CYP4F3: variants seen among roughly 807,000 people sequenced by gnomAD.
CYP4F3 encodes the protein cytochrome P450 4F3.
CYP4F3 carries 50 observed loss-of-function variants against 54.8 expected under a neutral mutation model. That is an observed-to-expected ratio of 0.91 (90% CI 0.73 to 1.16). The LOEUF is 1.16. CYP4F3 is among the 50% of genes most tolerant of loss of function. The pLI, the probability that CYP4F3 is intolerant of heterozygous loss-of-function variation, is 0.00. For missense variants in CYP4F3, 715 were observed against 676.2 expected (o/e 1.06, Z -0.64); for synonymous variants, 244 against 262.6 (o/e 0.93, Z 0.69).
chr19:15,647,355 C>T, intron 5 of CYP4F3, 31 bp downstream of exon 5: 1 of 1,613,506 alleles, frequency 6.2e-7, no homozygotes, highest in Non-Finnish European at 8.5e-7. Context: ...GTCCCAGCTG[C>T]AGCCTTTGGT....
chr19:15,655,928 C>T (rs1972998993), intron 9 of CYP4F3, among the ~76,000 whole-genome samples: 1 of 152,124 alleles, frequency 6.6e-6, no homozygotes, highest in Non-Finnish European at 1.5e-5. Flanking sequence ...GTGTTGAGAA[C>T]ATTTGAAGTT....
chr19:15,658,250 G>C lies in CYP4F3; in HGVS notation c.1116-14G>C. The stretch of plus-strand genomic sequence containing the variant: ...GCTCCCTTGATAAGGATTGGGGCTG[G>C]GGTGTTTCCTTAGGGACGACCTGGC... On this transcript the variant is annotated splice_polypyrimidine_tract_variant and intron_variant, in intron 9 of 12. Coordinates refer to ENST00000221307, the MANE Select transcript of CYP4F3 (RefSeq NM_000896.3). 1 of 1,613,800 alleles carries C rather than the reference G, an allele frequency of 6.2e-7. No homozygotes were observed. The highest frequency in any genetic ancestry group is 1.1e-5 in the South Asian group (1 of 91,046).
At chr19:15,653,834 G>T (rs1972941898) in intron 9 of CYP4F3, among the ~76,000 whole-genome samples, 1 of 151,976 alleles carries the variant, frequency 6.6e-6, no homozygotes, top group Non-Finnish European at 1.5e-5. Flanking sequence ...GGGAGAGACT[G>T]ACTTGTGGTG....
chr19:15,644,716 A>G (rs1329152900), intron 2 of CYP4F3, among the ~76,000 whole-genome samples: 1 of 152,150 alleles, frequency 6.6e-6, no homozygotes, highest in African/African-American at 2.4e-5. Context: ...TTTCTGCTCT[A>G]GGCCCTGGGA....
At chr19:15,655,078 G>A (rs1972977245) in intron 9 of CYP4F3, among the ~76,000 whole-genome samples, 1 of 152,164 alleles carries the variant, frequency 6.6e-6, no homozygotes, top group East Asian at 1.9e-4. Context: ...ACTGGGATGA[G>A]ATGATATCTC....
rs148448915 is a variant in CYP4F3 at position 15,650,035 on chromosome 19, G to T, written c.770G>T (p.Arg257Leu). Residue 257 changes from arginine to leucine, a missense_variant, in exon 7 of 13, where the codon CGC (arginine) becomes CTC (leucine). By Grantham distance (102) the Arg-to-Leu change is moderately radical. Coordinates refer to ENST00000221307, the MANE Select transcript of CYP4F3 (RefSeq NM_000896.3). ...CTCACCCCTGATGGGCAGCGTTTCC[G>T]CAGGGCCTGCCGCCTGGTGCACGAC... ...YYLTPDGQRF[R>L]RACRLVHDFT... The T allele has an allele frequency of 1.2e-6, 2 of 1,614,016 alleles. No homozygotes were observed. Among genetic ancestry groups the T allele is most frequent in the African/African-American group, 1.3e-5 (1 of 74,894 alleles).
intron 3 of CYP4F3, among the ~76,000 whole-genome samples, chr19:15,646,107 G>A (rs866278209): frequency 4.6e-5 from 7 of 152,166 alleles, no homozygotes; most frequent in African/African-American, 7.2e-5. Flanking sequence ...GTACGGCTAC[G>A]TCTTGTCACC....
intron 2 of CYP4F3, among the ~76,000 whole-genome samples, chr19:15,644,593 G>GAGA (rs1972570384): frequency 2.1e-5 from 1 of 47,024 alleles, no homozygotes; most frequent in African/African-American, 1.6e-4. Context: ...TTAGAACAAT[G>GAGA]AGGACTTGTG....
At chr19:15,652,084 G>T (rs1972873441) in intron 7 of CYP4F3, among the ~76,000 whole-genome samples, 1 of 152,136 alleles carries the variant, frequency 6.6e-6, no homozygotes, top group African/African-American at 2.4e-5. Flanking sequence ...GGAAGAAAGA[G>T]AGAGGGCACC....
chr19:15,642,675 G>T (rs1473904831), intron 2 of CYP4F3, among the ~76,000 whole-genome samples: 1 of 152,216 alleles, frequency 6.6e-6, no homozygotes, highest in Non-Finnish European at 1.5e-5. Context: ...TCTGCCTTGG[G>T]ATGCGCTCTT....
chr19:15,651,313 A>G (rs1972848622), intron 7 of CYP4F3, among the ~76,000 whole-genome samples: 2 of 131,604 alleles, frequency 1.5e-5, no homozygotes, highest in South Asian at 5.2e-4. Context: ...GTCTATGTCC[A>G]TGTTTTTTTG....
At position 15,645,767 on chromosome 19, in the gene CYP4F3, A is replaced by C. The variant is rs952758996; in HGVS notation, c.247A>C (p.Thr83Pro). The C allele has an allele frequency of 8.7e-6, 14 of 1,613,970 alleles. No homozygotes were observed. The highest frequency in any genetic ancestry group is 1.3e-5 in the African/African-American group (1 of 74,924). ...CCTATACACACAAAGCCTGGCATGC[A>C]CCTTCGGTGATATGTGCTGCTGGTG... The part of the protein sequence containing the change: ...GLLYTQSLAC[T>P]FGDMCCWWVG... The change falls in exon 3 of 13, where the codon ACC becomes CCC. Residue 83 changes from threonine (T) to proline (P), a missense_variant. Transcript: ENST00000221307.
chr19:15,657,336 G>T (rs546232207), intron 9 of CYP4F3, among the ~76,000 whole-genome samples: 1 of 152,170 alleles, frequency 6.6e-6, no homozygotes. Context: ...CACTCTTGTT[G>T]CCCAGGCTGG....
intron 12 of CYP4F3, 111 bp downstream of exon 12, chr19:15,658,920 C>A: frequency 7.1e-7 from 1 of 1,415,766 alleles, no homozygotes; most frequent in Non-Finnish European, 9.7e-7. Context: ...AGCTCTCCTT[C>A]CCTCACCTCC....
At chr19:15,653,334 A>G (rs2144663489) in intron 9 of CYP4F3, among the ~76,000 whole-genome samples, 1 of 152,036 alleles carries the variant, frequency 6.6e-6, no homozygotes, top group Middle Eastern at 3.4e-3. Context: ...CAGTCCAGGG[A>G]TTTATAAGGG....
In CYP4F3 at chr19:15,658,340, G is replaced by A. The variant is rs115569519; in HGVS notation, c.1192G>A (p.Val398Ile). 1,448 of 1,614,104 alleles carry A rather than the reference G, an allele frequency of 9.0e-4. 6 individuals are homozygous for A. In the African/African-American group the frequency reaches 0.015, roughly 16 times the overall value. ...SLRLHPPVPA[V>I]SRCCTQDIVL... ...GAGGCTGCATCCCCCAGTCCCTGCCGTCTCTCGCTGCTGCACCCAAGACAT... is the reference window on the plus strand; with the variant it reads ...GAGGCTGCATCCCCCAGTCCCTGCCATCTCTCGCTGCTGCACCCAAGACAT... Residue 398 changes from valine (V) to isoleucine (I), a missense_variant, in exon 10 of 13, where the codon GTC (valine) becomes ATC (isoleucine). Val to Ile is a conservative substitution (Grantham distance 29). Coordinates refer to ENST00000221307, the MANE Select transcript of CYP4F3 (RefSeq NM_000896.3).
Position 15,652,525 on chromosome 19 carries a change from CT to C in CYP4F3, c.919-39del. The stretch of plus-strand genomic sequence containing the variant: ...TCAAGAGCCCTCAGAGGTACTGTGA[CT>C]TTTTATGGGGGTGGGGGTGGGGGGT... On this transcript the variant is annotated intron_variant, in intron 7 of 12. Coordinates refer to ENST00000221307, the MANE Select transcript of CYP4F3 (RefSeq NM_000896.3). 2.8e-6 allele frequency: 4 copies of C among 1,446,192 alleles called. No homozygotes were observed. In the African/African-American group the frequency reaches 9.3e-5, roughly 34 times the overall value. The allele number at this position is 1,446,192 out of a possible 1,614,324, so 89.6% of individuals were successfully genotyped here. A position where few individuals can be genotyped will look rare whatever the true frequency, so the allele number is the denominator to read the frequency against.
Position 15,651,051 on chromosome 19 carries a change from T to A in CYP4F3, c.918+868T>A, listed in dbSNP as rs562834060. Among the ~76,000 whole-genome samples, 14 of 151,530 alleles carry A rather than the reference T, an allele frequency of 9.2e-5. 2 individuals are homozygous for A. Among genetic ancestry groups the A allele is most frequent in the African/African-American group, 3.4e-4 (14 of 41,258 alleles). ...CCACCATGCCTGGCTAACTTTTGCA[T>A]TTTTAGTAGAGACGAGGTTTCACCA... On this transcript the variant is annotated intron_variant, in intron 7 of 12. Coordinates refer to ENST00000221307, the MANE Select transcript of CYP4F3 (RefSeq NM_000896.3).
chr19:15,645,745 A>G lies in CYP4F3; in HGVS notation c.225A>G (p.Leu75=). The part of the protein sequence containing the change: ...GLIHSSEEGL[L]YTQSLACTFG... ...TTCACAGCTCGGAGGAAGGTCTCCT[A>G]TACACACAAAGCCTGGCATGCACCT... The change falls in exon 3 of 13, where the codon CTA becomes CTG. Residue 75 remains leucine, a synonymous_variant. Transcript: ENST00000221307. The G allele has an allele frequency of 6.2e-7, 1 of 1,613,766 alleles. No homozygotes were observed. The highest frequency in any genetic ancestry group is 8.5e-7 in the Non-Finnish European group (1 of 1,179,758).
Sources: allele counts gnomAD v4.1 joint callset (sites outside exome capture counted in the v4.1 genomes callset), GRCh38; gene constraint gnomAD v4.1.1; transcripts MANE v1.5; gene names NCBI Gene and HGNC (gene_info 2026-07-23, HGNC 2026-07-21).